ZRANB3: variants seen among roughly 807,000 people sequenced by gnomAD.
ZRANB3 encodes the protein zinc finger RANBP2-type containing 3.
ZRANB3 carries 125 observed loss-of-function variants against 133.8 expected under a neutral mutation model. The observed-to-expected ratio is 0.93, with a 90% CI of 0.81 to 1.08. The LOEUF (loss-of-function observed/expected upper bound fraction) is 1.08, where lower values mean the gene tolerates loss of function less well. Ranked by LOEUF, ZRANB3 falls within the 50% of genes least tolerant of loss-of-function variation. ZRANB3 has a pLI of 0.00. For synonymous variants in ZRANB3, 387 were observed against 432.7 expected (o/e 0.89, Z 1.31); for missense variants, 1,229 against 1,275.5 (o/e 0.96, Z 0.56).
At position 135,474,331 on chromosome 2, in the gene ZRANB3, A is replaced by T. The variant is rs555103931; in HGVS notation, c.161+29998T>A. Among the ~76,000 whole-genome samples the T allele has an allele frequency of 2.0e-5, 3 of 152,228 alleles. No homozygotes were observed. The South Asian group carries it at 6.2e-4, about 32-fold the overall frequency. ...ACTCAACCCGACTCTAGCCTTACTT[A>T]AATTTCCTCTTTCAAGGGATTGATA... On this transcript the variant is annotated intron_variant, in intron 2 of 20. Transcript: ENST00000264159.
At chr2:135,349,908 A>T in intron 5 of ZRANB3, 76 bp downstream of exon 5, 1 of 1,326,150 alleles carries the variant, frequency 7.5e-7, no homozygotes, top group Non-Finnish European at 1.1e-6. Context: ...TAAAAATTGC[A>T]AAACAGGTGG....
intron 2 of ZRANB3, among the ~76,000 whole-genome samples, chr2:135,487,669 T>C (rs1376643597): frequency 6.6e-6 from 1 of 152,190 alleles, no homozygotes; most frequent in Non-Finnish European, 1.5e-5. Flanking sequence ...CCAACCTCTT[T>C]AGCTTCAAAT....
intron 1 of ZRANB3, among the ~76,000 whole-genome samples, chr2:135,508,584 T>C (rs1574226268): frequency 1.3e-5 from 2 of 152,116 alleles, no homozygotes; most frequent in Non-Finnish European, 2.9e-5. Flanking sequence ...AAAATTTCAG[T>C]TGAATTTAAG....
chr2:135,461,991 T>C (rs1262206696), intron 2 of ZRANB3, among the ~76,000 whole-genome samples: 9 of 152,210 alleles, frequency 5.9e-5, no homozygotes, highest in Admixed American at 5.9e-4. Context: ...TTAAAAGTTT[T>C]ACAGGTGCGG....
intron 2 of ZRANB3, among the ~76,000 whole-genome samples, chr2:135,433,140 T>C (rs916759516): frequency 6.6e-6 from 1 of 152,088 alleles, no homozygotes; most frequent in Non-Finnish European, 1.5e-5. Flanking sequence ...TAAGGAAGAA[T>C]GAACCCCCTA....
intron 1 of ZRANB3, chr2:135,511,287 A>T: frequency 1.0e-6 from 1 of 999,012 alleles, no homozygotes; most frequent in Non-Finnish European, 1.6e-6. Context: ...AGTTTCTTCT[A>T]ATACTAGCTC....
intron 2 of ZRANB3, among the ~76,000 whole-genome samples, chr2:135,401,480 C>T (rs541098639): frequency 1.3e-5 from 2 of 152,280 alleles, no homozygotes; most frequent in African/African-American, 4.8e-5. Context: ...CACAAACACA[C>T]CCTGTCGGTG....
intron 13 of ZRANB3, among the ~76,000 whole-genome samples, chr2:135,228,536 G>A (rs560329094): frequency 6.6e-6 from 1 of 152,258 alleles, no homozygotes; most frequent in Non-Finnish European, 1.5e-5. Context: ...GCTGTGCACT[G>A]AAGGATCAGA....
At chr2:135,257,340 A>G (rs1679711135) in intron 12 of ZRANB3, among the ~76,000 whole-genome samples, 1 of 152,286 alleles carries the variant, frequency 6.6e-6, no homozygotes, top group Non-Finnish European at 1.5e-5. Context: ...TTACCCATTC[A>G]TCAATTTATA....
In ZRANB3 at chr2:135,227,901, G is replaced by T. The variant is rs1366541836; in HGVS notation, c.2069C>A (p.Ala690Glu). The part of the protein sequence containing the change: ...TISDCEKQAL[A>E]QSEPGQLADS... ...AGCCAACTGGCCAGGTTCTGACTGT[G>T]CAAGGGCTTGTTTTTCACAGTCTGA... Residue 690 changes from alanine to glutamate, a missense_variant, in exon 14 of 21, where the codon GCA (alanine) becomes GAA (glutamate). Ala to Glu is a moderately radical substitution (Grantham distance 107). Coordinates refer to ENST00000264159, the MANE Select transcript of ZRANB3 (RefSeq NM_032143.4). The T allele has an allele frequency of 3.8e-6, 6 of 1,563,886 alleles. No homozygotes were observed. The highest frequency in any genetic ancestry group is 1.7e-4 in the Middle Eastern group (1 of 6,028).
chr2:135,432,022 G>A lies in ZRANB3; in HGVS notation c.162-41202C>T, dbSNP rs530308308. Among the ~76,000 whole-genome samples, 125 of 152,180 alleles carry A rather than the reference G, an allele frequency of 8.2e-4. 1 individual carries two copies. The highest frequency in any genetic ancestry group is 2.6e-3 in the African/African-American group (110 of 41,520). On this transcript the variant is annotated intron_variant, in intron 2 of 20. Coordinates refer to ENST00000264159, the MANE Select transcript of ZRANB3 (RefSeq NM_032143.4). ...TCCCAGCACTTTGGGAGGCTGAGAC[G>A]GGTGGATCACCTGAGGCTGGGAGTT...
chr2:135,329,530 T>A (rs1684028116), intron 6 of ZRANB3, among the ~76,000 whole-genome samples: 1 of 152,240 alleles, frequency 6.6e-6, no homozygotes, highest in African/African-American at 2.4e-5. Flanking sequence ...TAGGATTGTC[T>A]TGGCAATGCA....
At chr2:135,464,284 T>C (rs1690887650) in intron 2 of ZRANB3, among the ~76,000 whole-genome samples, 1 of 152,180 alleles carries the variant, frequency 6.6e-6, no homozygotes, top group African/African-American at 2.4e-5. Flanking sequence ...CCTTTTGTTC[T>C]TCTTTCTTCC....
chr2:135,472,504 A>G (rs1036501773), intron 2 of ZRANB3, among the ~76,000 whole-genome samples: 1 of 151,534 alleles, frequency 6.6e-6, no homozygotes, highest in African/African-American at 2.4e-5. Flanking sequence ...TCTCAAAAAA[A>G]AAAAAAAAAA....
At chr2:135,471,070 G>C (rs568982223) in intron 2 of ZRANB3, among the ~76,000 whole-genome samples, 1 of 150,896 alleles carries the variant, frequency 6.6e-6, no homozygotes, top group Non-Finnish European at 1.5e-5. Flanking sequence ...CAAAGTGCTG[G>C]GATTACAGGG....
intron 14 of ZRANB3, 119 bp downstream of exon 14, chr2:135,227,693 T>A: frequency 1.0e-6 from 1 of 982,258 alleles, no homozygotes; most frequent in Non-Finnish European, 1.5e-6. Context: ...TTGGTATTTT[T>A]AATATAAAAG....
intron 12 of ZRANB3, among the ~76,000 whole-genome samples, chr2:135,254,448 T>TA (rs747845588): frequency 0.14 from 20,958 of 150,014 alleles, 1,845 homozygotes; most frequent in South Asian, 0.32. Context: ...TATAGTCTTT[T>TA]AAAAAAAAAA....
chr2:135,375,370 T>G (rs931487012), intron 3 of ZRANB3, among the ~76,000 whole-genome samples: 1 of 151,868 alleles, frequency 6.6e-6, no homozygotes, highest in Non-Finnish European at 1.5e-5. Context: ...CTGACCAACA[T>G]GGGGAAACCC....
At chr2:135,445,760 C>T (rs1374375645) in intron 2 of ZRANB3, among the ~76,000 whole-genome samples, 4 of 149,738 alleles carry the variant, frequency 2.7e-5, no homozygotes, top group Admixed American at 2.0e-4. Context: ...CCTGTAATCC[C>T]AGCTACACGG....
Sources: gnomAD v4.1 joint callset for allele counts (sites outside exome capture counted in the v4.1 genomes callset) on GRCh38, gnomAD v4.1.1 for gene constraint, MANE v1.5 for transcripts, NCBI Gene and HGNC (gene_info 2026-07-23, HGNC 2026-07-21) for gene names.